SRD5A2: variants seen among roughly 807,000 people sequenced by gnomAD.
The protein encoded by SRD5A2 is 3-oxo-5-alpha-steroid 4-dehydrogenase 2.
In SRD5A2, 30 loss-of-function variants were observed where a neutral mutation model predicts 27.4. The observed-to-expected ratio is 1.10, with a 90% CI of 0.82 to 1.49. The LOEUF (loss-of-function observed/expected upper bound fraction) is 1.49, where lower values mean the gene tolerates loss of function less well. Among genes scored for constraint, SRD5A2 ranks in the 40% most tolerant of loss-of-function variants. SRD5A2 has a pLI of 0.00. For missense variants in SRD5A2, 348 were observed against 323.4 expected, an observed-to-expected ratio of 1.08 and a Z score of -0.58; for synonymous variants, 141 against 133.6, an observed-to-expected ratio of 1.06 and a Z score of -0.38.
the SRD5A2 span, among the ~76,000 whole-genome samples, chr2:31,622,891 G>T: frequency 6.6e-6 from 1 of 152,108 alleles, no homozygotes; most frequent in African/African-American, 2.4e-5. Flanking sequence ...AATAAGAGAA[G>T]ATGATGCTTC....
chr2:31,551,069 A>G (rs1228998661), intron 1 of SRD5A2, among the ~76,000 whole-genome samples: 1 of 152,102 alleles, frequency 6.6e-6, no homozygotes, highest in Admixed American at 6.5e-5. Flanking sequence ...ACTAATGAAT[A>G]TGTTGACACT....
At chr2:31,637,786 A>G in the SRD5A2 span, among the ~76,000 whole-genome samples, 32 of 151,992 alleles carry the variant, frequency 2.1e-4, no homozygotes, top group Non-Finnish European at 4.1e-4. Context: ...TGCATCAGTT[A>G]TATTTTCTTT....
At chr2:31,585,825 C>A (rs1301452630), upstream of SRD5A2, among the ~76,000 whole-genome samples, 2 of 152,140 alleles carry the variant, frequency 1.3e-5, no homozygotes, top group South Asian at 2.1e-4. Context: ...GGGAAGCCCA[C>A]TGCCCCAAAG....
chr2:31,537,692 TTAAA>T (rs1181980559), intron 1 of SRD5A2, among the ~76,000 whole-genome samples: 1 of 152,200 alleles, frequency 6.6e-6, no homozygotes, highest in Non-Finnish European at 1.5e-5. Context: ...AGACATATCA[TTAAA>T]TATCATTCAT....
At chr2:31,653,850 G>C in the SRD5A2 span, among the ~76,000 whole-genome samples, 3 of 152,042 alleles carry the variant, frequency 2.0e-5, no homozygotes, top group African/African-American at 7.2e-5. Context: ...AGTAGAAACG[G>C]GTTTCACCAT....
At chr2:31,607,739 A>AT in the SRD5A2 span, among the ~76,000 whole-genome samples, 25 of 151,986 alleles carry the variant, frequency 1.6e-4, no homozygotes, top group African/African-American at 5.8e-4. Context: ...AACAAAATAT[A>AT]TTTTTTTATT....
chr2:31,591,178 A>G, the SRD5A2 span, among the ~76,000 whole-genome samples: 1 of 152,222 alleles, frequency 6.6e-6, no homozygotes, highest in Non-Finnish European at 1.5e-5. Context: ...CATTTTTGCA[A>G]TCTATTCATC....
intron 1 of SRD5A2, among the ~76,000 whole-genome samples, chr2:31,565,600 T>C (rs946840090): frequency 6.6e-6 from 1 of 151,860 alleles, no homozygotes; most frequent in Non-Finnish European, 1.5e-5. Flanking sequence ...AAGCAAGATA[T>C]TACCAAGAAT....
the SRD5A2 span, among the ~76,000 whole-genome samples, chr2:31,614,735 T>A: frequency 6.6e-6 from 1 of 152,188 alleles, no homozygotes; most frequent in Admixed American, 6.5e-5. Context: ...CTCTGAAATC[T>A]AGGCGGAAGT....
chr2:31,613,349 CAA>C, the SRD5A2 span, among the ~76,000 whole-genome samples: 1,237 of 152,140 alleles, frequency 8.1e-3, 18 homozygotes, highest in Non-Finnish European at 0.012. Context: ...AAAAAATGAG[CAA>C]AGAGTCTGAA....
the SRD5A2 span, among the ~76,000 whole-genome samples, chr2:31,593,201 G>T: frequency 2.0e-5 from 3 of 152,010 alleles, no homozygotes; most frequent in East Asian, 3.9e-4. Context: ...CATGGCACAT[G>T]TATACATATG....
chr2:31,591,447 G>T, the SRD5A2 span, among the ~76,000 whole-genome samples: 1 of 152,214 alleles, frequency 6.6e-6, no homozygotes, highest in South Asian at 2.1e-4. Flanking sequence ...ACAGGTGCTG[G>T]AGAGGATGTG....
Position 31,526,264 on chromosome 2 carries a change from TA to T in SRD5A2, c.699-3del. On this transcript the variant is annotated splice_region_variant and splice_polypyrimidine_tract_variant and intron_variant, in intron 4 of 4. Coordinates refer to ENST00000622030, the MANE Select transcript of SRD5A2 (RefSeq NM_000348.4). ...TCCTCAAACATCTTGAGGTAGAACC[TA>T]AAAGACAAGAAAGGAATAATTGTAA... The T allele has an allele frequency of 6.4e-7, 1 of 1,567,748 alleles. No homozygotes were observed. The highest frequency in any genetic ancestry group is 8.7e-7 in the Non-Finnish European group (1 of 1,150,564).
chr2:31,652,883 C>T, the SRD5A2 span, among the ~76,000 whole-genome samples: 1 of 152,202 alleles, frequency 6.6e-6, no homozygotes, highest in Non-Finnish European at 1.5e-5. Flanking sequence ...CTGTCCTTTG[C>T]TTGATGGCGC....
chr2:31,533,413 T>C (rs1376974072), intron 2 of SRD5A2, among the ~76,000 whole-genome samples, 190 bp downstream of exon 2: 1 of 152,160 alleles, frequency 6.6e-6, no homozygotes, highest in East Asian at 1.9e-4. Context: ...AGTTTTGCGA[T>C]GGGAAATGGC....
the SRD5A2 span, among the ~76,000 whole-genome samples, chr2:31,623,069 C>A: frequency 1.3e-5 from 2 of 152,128 alleles, no homozygotes; most frequent in South Asian, 4.2e-4. Flanking sequence ...TTGTCAACTT[C>A]TGATTGCCGG....
intron 4 of SRD5A2, 115 bp downstream of exon 4, chr2:31,529,192 C>A: frequency 7.1e-7 from 1 of 1,416,830 alleles, no homozygotes; most frequent in Non-Finnish European, 9.5e-7. Flanking sequence ...ATAGTATCAA[C>A]CTTCCCTTAA....
chr2:31,559,196 CA>C (rs1666563817), intron 1 of SRD5A2, among the ~76,000 whole-genome samples: 1 of 152,146 alleles, frequency 6.6e-6, no homozygotes, highest in South Asian at 2.1e-4. Flanking sequence ...CTCCAGGCTG[CA>C]AATGTTGCCA....
the SRD5A2 span, among the ~76,000 whole-genome samples, chr2:31,586,339 G>A: frequency 6.6e-6 from 1 of 152,212 alleles, no homozygotes; most frequent in South Asian, 2.1e-4. Context: ...TTGCCACCCT[G>A]AAGGGAAGGG....
Sources: allele counts gnomAD v4.1 joint callset (sites outside exome capture counted in the v4.1 genomes callset), GRCh38; gene constraint gnomAD v4.1.1; transcripts MANE v1.5; gene names NCBI Gene and HGNC (gene_info 2026-07-23, HGNC 2026-07-21).